Variants in PKHD1L1 observed in about 807,000 individuals in gnomAD.
The protein encoded by PKHD1L1 is fibrocystin-L.
In PKHD1L1, 434 loss-of-function variants were observed where a neutral mutation model predicts 462.9. The ratio of observed to expected loss-of-function variants is 0.94; its 90% confidence interval spans 0.87 to 1.02. PKHD1L1 has a LOEUF of 1.02. PKHD1L1 is among the 50% of genes least tolerant of loss of function. The pLI, the probability that PKHD1L1 is intolerant of heterozygous loss-of-function variation, is 0.00. For synonymous variants in PKHD1L1, 1,781 were observed against 1,750.0 expected, an observed-to-expected ratio of 1.02 and a Z score of -0.44; for missense variants, 5,202 against 5,096.1, an observed-to-expected ratio of 1.02 and a Z score of -0.63.
At position 109,398,457 on chromosome 8, in the gene PKHD1L1, A is replaced by G; in HGVS notation, c.923-2A>G. On this transcript the variant is annotated splice_acceptor_variant, in intron 11 of 77. Coordinates refer to ENST00000378402, the MANE Select transcript of PKHD1L1 (RefSeq NM_177531.6). LOFTEE classifies it high-confidence loss of function. Reference sequence around the variant, plus strand: ...ACGGTTTTGTATCTTGCTTCTCTATAGGTGAACCTTGTGATATTTTGAATG... The same window carrying G: ...ACGGTTTTGTATCTTGCTTCTCTATGGGTGAACCTTGTGATATTTTGAATG... 6.5e-7 allele frequency: 1 copy of G among 1,530,466 alleles called. No individual in the cohort carries two copies. Among genetic ancestry groups the G allele is most frequent in the Admixed American group, 1.9e-5 (1 of 51,992 alleles). The allele number at this position is 1,530,466 out of a possible 1,614,324, so 94.8% of individuals were successfully genotyped here. A position where few individuals can be genotyped will look rare whatever the true frequency, so the allele number is the denominator to read the frequency against.
chr8:109,490,237 C>T (rs188733478), intron 60 of PKHD1L1, among the ~76,000 whole-genome samples, 182 bp downstream of exon 60: 3 of 151,722 alleles, frequency 2.0e-5, no homozygotes, highest in East Asian at 1.9e-4. Flanking sequence ...CCATATTGTG[C>T]GTTTATTTAA....
intron 50 of PKHD1L1, among the ~76,000 whole-genome samples, chr8:109,467,397 C>G (rs576457617): frequency 1.7e-4 from 26 of 150,414 alleles, no homozygotes; most frequent in African/African-American, 5.6e-4. Flanking sequence ...GCCCCGCCCC[C>G]CTTCCCCCCA....
In PKHD1L1 at chr8:109,491,780, A is replaced by G; in HGVS notation, c.10115-93A>G. On this transcript the variant is annotated intron_variant, in intron 61 of 77. Coordinates refer to ENST00000378402, the MANE Select transcript of PKHD1L1 (RefSeq NM_177531.6). Reference sequence around the variant, plus strand: ...AGGCTCAAAGTAGAAAAATAATTTTATGGAAAAATCAAAAGACATTACTCC... The same window carrying G: ...AGGCTCAAAGTAGAAAAATAATTTTGTGGAAAAATCAAAAGACATTACTCC... The G allele has an allele frequency of 1.7e-6, 2 of 1,178,476 alleles. 1 individual carries two copies. Among genetic ancestry groups the G allele is most frequent in the East Asian group, 5.2e-5 (2 of 38,118 alleles). The allele number at this position is 1,178,476 out of a possible 1,614,324, so 73.0% of individuals were successfully genotyped here. A position where few individuals can be genotyped will look rare whatever the true frequency, so the allele number is the denominator to read the frequency against.
intron 67 of PKHD1L1, chr8:109,499,170 A>G (rs550807852): frequency 2.2e-4 from 37 of 165,672 alleles, no homozygotes; most frequent in South Asian, 7.7e-4. Flanking sequence ...AGCTAGGATT[A>G]GAATCAAAAT....
chr8:109,439,440 T>A (rs777724801), intron 32 of PKHD1L1, among the ~76,000 whole-genome samples: 4 of 152,128 alleles, frequency 2.6e-5, no homozygotes, highest in African/African-American at 7.2e-5. Flanking sequence ...CCTGCATTAA[T>A]GGTGCTCACA....
chr8:109,497,298 T>G (rs373729743), intron 65 of PKHD1L1, 26 bp downstream of exon 65: 91 of 1,601,180 alleles, frequency 5.7e-5, no homozygotes, highest in South Asian at 7.8e-5. Flanking sequence ...AGCCACACCA[T>G]GGAGAAAAAA....
chr8:109,373,996 A>G (rs977294067), intron 2 of PKHD1L1, among the ~76,000 whole-genome samples: 1 of 151,982 alleles, frequency 6.6e-6, no homozygotes, highest in Admixed American at 6.6e-5. Flanking sequence ...CGTGGTGGAG[A>G]GTTCTGTAGA....
At chr8:109,407,736 C>T (rs1355992310) in intron 17 of PKHD1L1, among the ~76,000 whole-genome samples, 1 of 152,086 alleles carries the variant, frequency 6.6e-6, no homozygotes, top group Non-Finnish European at 1.5e-5. Flanking sequence ...TTGGAATATC[C>T]TACTACTCAT....
chr8:109,476,433 T>C, intron 51 of PKHD1L1, 75 bp from the exon 52 acceptor site: 1 of 1,018,640 alleles, frequency 9.8e-7, no homozygotes, highest in East Asian at 2.9e-5. Context: ...AGGGGCTAAT[T>C]ATATGTCATT....
At chr8:109,390,121 G>A (rs573275311) in intron 8 of PKHD1L1, among the ~76,000 whole-genome samples, 43 of 152,226 alleles carry the variant, frequency 2.8e-4, no homozygotes, top group Non-Finnish European at 4.6e-4. Flanking sequence ...CTCTAGCAGA[G>A]TGTCTGAACA....
chr8:109,406,855 T>C (rs1186797372), intron 17 of PKHD1L1, among the ~76,000 whole-genome samples: 1 of 152,010 alleles, frequency 6.6e-6, no homozygotes. Context: ...GGAGACACTG[T>C]ATACCATGGG....
Position 109,461,832 on chromosome 8 carries a change from A to G in PKHD1L1, c.7307A>G (p.Gln2436Arg). 5 of 1,608,262 alleles carry G rather than the reference A, an allele frequency of 3.1e-6. No individual in the cohort carries two copies. Among genetic ancestry groups the G allele is most frequent in the Non-Finnish European group, 4.2e-6 (5 of 1,177,134 alleles). The change falls in exon 48 of 78, where the codon CAA becomes CGA. Residue 2436 changes from glutamine (Q) to arginine (R), a missense_variant. This residue lies in a region of PKHD1L1 where 4,497 missense variants were observed against 4,336.8 expected (regional missense o/e 1.04). Coordinates refer to ENST00000378402, the MANE Select transcript of PKHD1L1 (RefSeq NM_177531.6). ...TTTGGAGAAGAAATAGGAAGTGACC[A>G]ATTTGGAGGCTGCGTTATGTTTCAT... ...GKFGEEIGSD[Q>R]FGGCVMFHAP...
intron 46 of PKHD1L1, among the ~76,000 whole-genome samples, chr8:109,458,587 T>C (rs981790306): frequency 3.9e-5 from 6 of 151,940 alleles, no homozygotes; most frequent in Non-Finnish European, 7.4e-5. Flanking sequence ...TTATGCAGAG[T>C]GTATTGAGAA....
chr8:109,403,695 T>G (rs1316679270), intron 14 of PKHD1L1, among the ~76,000 whole-genome samples: 1 of 152,060 alleles, frequency 6.6e-6, no homozygotes, highest in Non-Finnish European at 1.5e-5. Context: ...TGGGCAATGA[T>G]CCAGAACCCT....
At chr8:109,525,669 G>A (rs1309845232) in intron 76 of PKHD1L1, among the ~76,000 whole-genome samples, 1 of 150,988 alleles carries the variant, frequency 6.6e-6, no homozygotes, top group African/African-American at 2.4e-5. Context: ...TTCAGGAGGA[G>A]AAAAACAAAA....
At chr8:109,483,762 C>T (rs1818389730) in intron 57 of PKHD1L1, among the ~76,000 whole-genome samples, 1 of 151,180 alleles carries the variant, frequency 6.6e-6, no homozygotes, top group South Asian at 2.1e-4. Flanking sequence ...TCTTGGTTAC[C>T]TCTTCACTTC....
At chr8:109,463,243 G>C (rs557226908) in intron 48 of PKHD1L1, among the ~76,000 whole-genome samples, 2 of 152,172 alleles carry the variant, frequency 1.3e-5, no homozygotes, top group Admixed American at 6.5e-5. Context: ...GTATAATCAC[G>C]GTTTGGCATA....
Position 109,455,108 on chromosome 8 carries a change from C to T in PKHD1L1, c.6874+256C>T, listed in dbSNP as rs537231525. Among the ~76,000 whole-genome samples the T allele has an allele frequency of 7.0e-4, 106 of 152,280 alleles. 1 individual carries two copies. The Middle Eastern group carries it at 0.01, about 15-fold the overall frequency. On this transcript the variant is annotated intron_variant, in intron 45 of 77. Coordinates refer to ENST00000378402, the MANE Select transcript of PKHD1L1 (RefSeq NM_177531.6). ...ATCCCAGCACCTGGGGAAGCCAAAG[C>T]GGGTGAATCACCTAAGGCCAGGTGT...
intron 50 of PKHD1L1, among the ~76,000 whole-genome samples, chr8:109,468,572 TTA>T (rs992156060): frequency 1.3e-5 from 2 of 152,172 alleles, no homozygotes; most frequent in Admixed American, 1.3e-4. Context: ...AAACCAGATT[TTA>T]TATGTCTGTT....
Sources: gnomAD v4.1 joint callset for allele counts (sites outside exome capture counted in the v4.1 genomes callset) on GRCh38, gnomAD v4.1.1 for gene constraint, gnomAD v4.1.1 regional missense constraint, MANE v1.5 for transcripts, NCBI Gene and HGNC (gene_info 2026-07-23, HGNC 2026-07-21) for gene names.